SASH1: variants seen among roughly 807,000 people sequenced by gnomAD.
SASH1 encodes the protein SAM and SH3 domain containing 1, also known as SAM and SH3 domain-containing protein 1.
A neutral mutation model predicts 125.2 loss-of-function variants in SASH1; 44 were observed. The ratio of observed to expected loss-of-function variants is 0.35; its 90% CI spans 0.28 to 0.45. The LOEUF (loss-of-function observed/expected upper bound fraction) is 0.45, where lower values mean the gene tolerates loss of function less well. Ranked by LOEUF, SASH1 falls within the 20% of genes least tolerant of loss-of-function variation. The pLI is 1.00. For missense variants in SASH1, 1,426 were observed against 1,614.5 expected, an observed-to-expected ratio of 0.88 and a Z score of 2.00; for synonymous variants, 639 against 649.1, an observed-to-expected ratio of 0.98 and a Z score of 0.24.
chr6:148,459,217 A>C (rs1777503914), intron 4 of SASH1, among the ~76,000 whole-genome samples: 1 of 152,136 alleles, frequency 6.6e-6, no homozygotes, highest in Non-Finnish European at 1.5e-5. Flanking sequence ...GCCACAAATG[A>C]AGAAAAATAT....
chr6:148,397,020 G>A (rs1430086882), intron 2 of SASH1, among the ~76,000 whole-genome samples: 1 of 152,140 alleles, frequency 6.6e-6, no homozygotes. Context: ...ATTCAAGTGA[G>A]TGCAGGGATT....
intron 1 of SASH1, among the ~76,000 whole-genome samples, chr6:148,334,441 A>AG (rs1251690146): frequency 6.7e-6 from 1 of 148,774 alleles, no homozygotes; most frequent in African/African-American, 2.5e-5. Flanking sequence ...AAAAAAAAAA[A>AG]AAAAAAAGAG....
intron 4 of SASH1, among the ~76,000 whole-genome samples, chr6:148,450,344 G>A: frequency 6.6e-6 from 1 of 152,014 alleles, no homozygotes; most frequent in Admixed American, 6.5e-5. Context: ...TTATTGCTCA[G>A]TCTCCCCAGC....
rs142507313 is a variant in SASH1 at position 148,314,556 on chromosome 6, G to A, written n.74+42179G>A. The stretch of plus-strand genomic sequence containing the variant: ...TAGGAGTTATTTCTAAGACATTCAC[G>A]GTCATTTCCCTCTAATCTACAGCAT... On this transcript the variant is annotated intron_variant and non_coding_transcript_variant, in intron 1 of 3. Coordinates refer to the SASH1 transcript ENST00000367469. Among the ~76,000 whole-genome samples the A allele has an allele frequency of 4.2e-3, 640 of 152,104 alleles. 6 individuals carry two copies. The highest frequency in any genetic ancestry group is 0.014 in the African/African-American group (563 of 41,480).
intron 11 of SASH1, among the ~76,000 whole-genome samples, chr6:148,526,697 GA>G (rs1352753492): frequency 6.6e-6 from 1 of 152,112 alleles, no homozygotes; most frequent in Non-Finnish European, 1.5e-5. Context: ...TTAAGAGAGA[GA>G]AATTTACACA....
Position 148,519,870 on chromosome 6 carries a change from G to A in SASH1, c.1186G>A (p.Gly396Ser). The change falls in exon 10 of 20, where the codon GGT becomes AGT. Residue 396 changes from glycine (G) to serine (S), a missense_variant. By Grantham distance (56) the Gly-to-Ser change is moderately conservative. Around this residue, in one of 3 missense-constraint regions of SASH1, gnomAD observed 567 missense variants for 575.6 expected, o/e 0.99. Transcript: ENST00000367467. This position sits in a 1 kb window ranked among gnomAD's most constrained non-coding sequence, Gnocchi z 4.8. ...CCTCACCGAGGGGGAGATGAAGAAG[G>A]GTCTCGGGTCCCTAAGCCACGGGGT... ...RSLTEGEMKK[G>S]LGSLSHGRTC... 1.9e-6 allele frequency: 3 copies of A among 1,586,108 alleles called. No individual in the cohort carries two copies. The South Asian group carries it at 3.4e-5, about 18-fold the overall frequency.
the SASH1 span, among the ~76,000 whole-genome samples, chr6:148,200,143 C>T: frequency 3.2e-4 from 48 of 152,302 alleles, no homozygotes; most frequent in South Asian, 1.0e-2. Flanking sequence ...AAAAAGTGGA[C>T]TTGCAAATAT....
intron 1 of SASH1, among the ~76,000 whole-genome samples, chr6:148,363,490 C>G (rs1029312924): frequency 1.1e-4 from 16 of 151,926 alleles, no homozygotes; most frequent in African/African-American, 3.6e-4. Flanking sequence ...CAACCTGCAC[C>G]TCCCAGATTC....
intron 1 of SASH1, chr6:148,379,811 T>C (rs1015149921): frequency 2.2e-5 from 9 of 416,618 alleles, no homozygotes; most frequent in Non-Finnish European, 4.5e-5. Flanking sequence ...CTCCTTACAG[T>C]GGGAAATTTC....
chr6:148,465,847 C>T (rs1164086057), intron 4 of SASH1, among the ~76,000 whole-genome samples: 1 of 152,188 alleles, frequency 6.6e-6, no homozygotes, highest in Non-Finnish European at 1.5e-5. Context: ...TCCCACTTCT[C>T]CCGTGGCCCT....
chr6:148,293,900 A>G (rs1315134218), intron 1 of SASH1, among the ~76,000 whole-genome samples: 1 of 152,202 alleles, frequency 6.6e-6, no homozygotes, highest in Non-Finnish European at 1.5e-5. Flanking sequence ...TCTTATTCAA[A>G]TACACTCTTT....
At chr6:148,274,332 G>A (rs1332452899) in intron 1 of SASH1, among the ~76,000 whole-genome samples, 1 of 152,184 alleles carries the variant, frequency 6.6e-6, no homozygotes, top group African/African-American at 2.4e-5. Context: ...GAAACAATAC[G>A]TTCAGAGCAG....
chr6:148,312,146 C>A (rs371413922), intron 1 of SASH1, among the ~76,000 whole-genome samples: 3 of 152,036 alleles, frequency 2.0e-5, no homozygotes, highest in Non-Finnish European at 4.4e-5. Flanking sequence ...GGTCGGGGGA[C>A]GAGTTGACTG....
intron 2 of SASH1, among the ~76,000 whole-genome samples, chr6:148,410,986 C>T (rs1366789170): frequency 6.6e-6 from 1 of 151,864 alleles, no homozygotes. Flanking sequence ...ATGGCGAAAA[C>T]CTATCTCTAT....
At chr6:148,438,543 A>G (rs1244014658) in intron 2 of SASH1, among the ~76,000 whole-genome samples, 3 of 152,098 alleles carry the variant, frequency 2.0e-5, no homozygotes, top group African/African-American at 2.4e-5. Context: ...TGAGAGTTCT[A>G]TGGAGGTTTT....
At chr6:148,263,886 G>A in the SASH1 span, among the ~76,000 whole-genome samples, 1 of 152,182 alleles carries the variant, frequency 6.6e-6, no homozygotes, top group Admixed American at 6.5e-5. Flanking sequence ...TTCTGAGCTG[G>A]TCCGGAGGAA....
chr6:148,543,603 T>C, intron 17 of SASH1, 77 bp from the exon 18 acceptor site: 2 of 1,290,936 alleles, frequency 1.5e-6, no homozygotes, highest in Non-Finnish European at 2.1e-6. Flanking sequence ...ATTTCAATTA[T>C]GTTAGCACAA....
rs76183550 is a variant in SASH1, at chr6:148,483,753, G to A, written c.628-3861G>A. Among the ~76,000 whole-genome samples, 861 of 152,252 alleles carry A rather than the reference G, an allele frequency of 5.7e-3. 7 individuals carry two copies. The highest frequency in any genetic ancestry group is 0.02 in the African/African-American group (830 of 41,544). ...CAGGGTATGTGAATTTATACCTATA[G>A]GATATTCTTATAAAGTCATTAAGGT... On this transcript the variant is annotated intron_variant, in intron 7 of 19. Transcript: ENST00000367467.
intron 1 of SASH1, among the ~76,000 whole-genome samples, chr6:148,377,945 C>T (rs572908466): frequency 1.1e-3 from 173 of 152,150 alleles, no homozygotes; most frequent in African/African-American, 3.9e-3. Flanking sequence ...AAAATGAGGC[C>T]GTACACATTT....
Sources: gnomAD v4.1 joint callset for allele counts (sites outside exome capture counted in the v4.1 genomes callset) on GRCh38, gnomAD v4.1.1 for gene constraint, gnomAD v4.1.1 regional missense constraint, Gnocchi (gnomAD v3.1) non-coding constraint, MANE v1.5 for transcripts, NCBI Gene and HGNC (gene_info 2026-07-23, HGNC 2026-07-21) for gene names.